Variants in PEBP4 observed in about 807,000 individuals in gnomAD.
The protein encoded by PEBP4 is phosphatidylethanolamine-binding protein 4.
PEBP4 carries 22 observed loss-of-function variants against 23.9 expected under a neutral mutation model. That is an observed-to-expected ratio of 0.92 (90% CI 0.66 to 1.31). The LOEUF (loss-of-function observed/expected upper bound fraction) is 1.31, where lower values mean the gene tolerates loss of function less well. Among genes scored for constraint, PEBP4 ranks in the 40% most tolerant of loss-of-function variants. The pLI, the probability that PEBP4 is intolerant of heterozygous loss-of-function variation, is 0.00. For synonymous variants in PEBP4, 112 were observed against 99.3 expected (o/e 1.13, Z -0.76); for missense variants, 324 against 281.7 (o/e 1.15, Z -1.07).
chr8:22,724,997 A>G (rs747452865), intron 5 of PEBP4, 41 bp from the exon 6 acceptor site: 2 of 1,535,646 alleles, frequency 1.3e-6, no homozygotes, highest in Non-Finnish European at 1.8e-6. Flanking sequence ...TCAACATCCC[A>G]TACTACCGAG....
intron 4 of PEBP4, among the ~76,000 whole-genome samples, chr8:22,773,349 G>T (rs894092890): frequency 2.6e-5 from 4 of 152,136 alleles, no homozygotes; most frequent in African/African-American, 9.7e-5. Context: ...GAGACACAGG[G>T]GACAGTTTCA....
intron 4 of PEBP4, among the ~76,000 whole-genome samples, chr8:22,736,762 C>T (rs1425168769): frequency 7.9e-5 from 12 of 152,146 alleles, no homozygotes; most frequent in African/African-American, 1.9e-4. Flanking sequence ...CTCAGGTTGC[C>T]GGGACGCCTC....
intron 4 of PEBP4, among the ~76,000 whole-genome samples, chr8:22,797,250 T>A (rs1585277917): frequency 1.2e-5 from 1 of 85,474 alleles, no homozygotes; most frequent in African/African-American, 4.9e-5. Flanking sequence ...TGAAACTCTG[T>A]CTCAAAAAAA....
At chr8:22,873,977 G>A (rs1317798052) in intron 3 of PEBP4, among the ~76,000 whole-genome samples, 1 of 152,132 alleles carries the variant, frequency 6.6e-6, no homozygotes, top group Non-Finnish European at 1.5e-5. Context: ...TAGCTCTAGG[G>A]GCAGTCAGTT....
intron 3 of PEBP4, among the ~76,000 whole-genome samples, chr8:22,908,042 C>T (rs1808852973): frequency 6.6e-6 from 1 of 151,730 alleles, no homozygotes; most frequent in Non-Finnish European, 1.5e-5. Flanking sequence ...CTGATGACTC[C>T]AACATGTCCA....
intron 4 of PEBP4, chr8:22,754,796 C>T (rs1006944844): frequency 2.6e-5 from 4 of 152,358 alleles, no homozygotes; most frequent in Non-Finnish European, 5.9e-5. Flanking sequence ...CCTCACCTCT[C>T]TCTGGTTTTC....
At chr8:22,743,940 C>T (rs796721692) in intron 4 of PEBP4, among the ~76,000 whole-genome samples, 5 of 152,292 alleles carry the variant, frequency 3.3e-5, no homozygotes, top group African/African-American at 1.2e-4. Context: ...ACTCGGGGAC[C>T]AGCCAAGCCT....
intron 3 of PEBP4, among the ~76,000 whole-genome samples, chr8:22,899,879 G>A (rs1328005095): frequency 6.6e-6 from 1 of 152,062 alleles, no homozygotes; most frequent in Non-Finnish European, 1.5e-5. Flanking sequence ...CCCATGTTAT[G>A]CATGAGGAGA....
chr8:22,802,005 G>A (rs538246483), intron 4 of PEBP4, among the ~76,000 whole-genome samples: 1 of 152,200 alleles, frequency 6.6e-6, no homozygotes, highest in Non-Finnish European at 1.5e-5. Context: ...AGGGCTTGAT[G>A]GGCCAGCAGC....
intron 2 of PEBP4, among the ~76,000 whole-genome samples, chr8:22,922,351 A>C (rs1809221761): frequency 6.6e-6 from 1 of 152,064 alleles, no homozygotes; most frequent in Non-Finnish European, 1.5e-5. Flanking sequence ...CTGATGATCA[A>C]ATTGACTTAC....
intron 1 of PEBP4, among the ~76,000 whole-genome samples, chr8:22,936,191 A>G (rs1318826202): frequency 6.6e-6 from 1 of 151,946 alleles, no homozygotes; most frequent in Non-Finnish European, 1.5e-5. Context: ...ATTAAAAAAC[A>G]GAGAAGACTC....
Position 22,724,880 on chromosome 8 carries a change from T to A in PEBP4, c.480A>T (p.Lys160Asn). Residue 160 changes from lysine to asparagine, a missense_variant, in exon 6 of 7, where the codon AAA (lysine) becomes AAT (asparagine). By Grantham distance (94) the Lys-to-Asn change is moderately conservative. Transcript: ENST00000256404. ...TTTCCTTGGGAAGGAGAGAGATGACTTTTCCTTCCTGAAGATAGACAAAGA... is the reference window on the plus strand; with the variant it reads ...TTTCCTTGGGAAGGAGAGAGATGACATTTCCTTCCTGAAGATAGACAAAGA... ...YQFFVYLQEG[K>N]VISLLPKENK... 1 of 1,614,054 alleles carries A rather than the reference T, an allele frequency of 6.2e-7. No individual in the cohort carries two copies. Among genetic ancestry groups the A allele is most frequent in the Non-Finnish European group, 8.5e-7 (1 of 1,179,958 alleles).
At chr8:22,783,682 T>A (rs1805972441) in intron 4 of PEBP4, among the ~76,000 whole-genome samples, 1 of 152,226 alleles carries the variant, frequency 6.6e-6, no homozygotes, top group Admixed American at 6.5e-5. Context: ...TTGTTTTGTT[T>A]TGTTTTGTTT....
Position 22,914,125 on chromosome 8 carries a change from T to C in PEBP4, c.258+6059A>G, listed in dbSNP as rs184218293. ...ATCTCAGCCTCCCAAGTACCTGGGATTACAGGCATGTGCCACCACACCCAG... is the reference window on the plus strand; with the variant it reads ...ATCTCAGCCTCCCAAGTACCTGGGACTACAGGCATGTGCCACCACACCCAG... On this transcript the variant is annotated intron_variant, in intron 3 of 6. Coordinates refer to ENST00000256404, the MANE Select transcript of PEBP4 (RefSeq NM_144962.3). Among the ~76,000 whole-genome samples, 27 of 152,112 alleles carry C rather than the reference T, an allele frequency of 1.8e-4. No homozygotes were observed. The East Asian group carries it at 5.0e-3, about 28-fold the overall frequency.
chr8:22,743,315 C>A (rs1298550750), intron 4 of PEBP4, among the ~76,000 whole-genome samples: 1 of 152,174 alleles, frequency 6.6e-6, no homozygotes, highest in Admixed American at 6.5e-5. Context: ...GAGAAACCCC[C>A]TCAGTTTCTA....
intron 4 of PEBP4, among the ~76,000 whole-genome samples, chr8:22,814,366 T>C (rs1806695274): frequency 2.0e-5 from 3 of 152,228 alleles, no homozygotes; most frequent in African/African-American, 7.2e-5. Context: ...TAATGCCCGG[T>C]CCCTACTGCC....
intron 4 of PEBP4, among the ~76,000 whole-genome samples, chr8:22,759,656 C>T (rs1263845695): frequency 6.6e-6 from 1 of 152,192 alleles, no homozygotes; most frequent in East Asian, 1.9e-4. Flanking sequence ...GTAGGATACC[C>T]AGGCCAAGGG....
At chr8:22,724,532 A>T (rs1407084489) in intron 6 of PEBP4, among the ~76,000 whole-genome samples, 1 of 152,218 alleles carries the variant, frequency 6.6e-6, no homozygotes, top group South Asian at 2.1e-4. Flanking sequence ...TGCACATGCC[A>T]TGCAAAGTTT....
At chr8:22,924,523 A>AGAC in intron 2 of PEBP4, 2 of 350,232 alleles carry the variant, frequency 5.7e-6, no homozygotes, top group Non-Finnish European at 8.0e-6. Context: ...ATGAGAAACT[A>AGAC]GACTAGTTTG....
Sources: gnomAD v4.1 joint callset for allele counts (sites outside exome capture counted in the v4.1 genomes callset) on GRCh38, gnomAD v4.1.1 for gene constraint, MANE v1.5 for transcripts, NCBI Gene and HGNC (gene_info 2026-07-23, HGNC 2026-07-21) for gene names.